VPS53: variants seen among roughly 807,000 people sequenced by gnomAD.
The protein encoded by VPS53 is vacuolar protein sorting-associated protein 53 homolog.
A neutral mutation model predicts 107.0 loss-of-function variants in VPS53; 70 were observed. That is an observed-to-expected ratio of 0.65 (90% confidence interval 0.54 to 0.80). The LOEUF (loss-of-function observed/expected upper bound fraction) is 0.80. VPS53 is among the 30% of genes least tolerant of loss of function. VPS53 has a pLI of 0.00. For missense variants in VPS53, 917 were observed against 1,049.4 expected (o/e 0.87, Z 1.74); for synonymous variants, 409 against 393.3 (o/e 1.04, Z -0.47).
rs565384056 is a variant in VPS53, at chr17:566,404, G to A, written c.1314-3659C>T. ...CGAAGGAGGTAGAATCATCTGTTTCGTGCCTGTTAACACAAGCTCCCTGAG... is the reference window on the plus strand; with the variant it reads ...CGAAGGAGGTAGAATCATCTGTTTCATGCCTGTTAACACAAGCTCCCTGAG... On this transcript the variant is annotated intron_variant, in intron 13 of 21. Transcript: ENST00000437048. Among the ~76,000 whole-genome samples the A allele has an allele frequency of 1.1e-3, 160 of 152,188 alleles. 1 individual carries two copies. Among genetic ancestry groups the A allele is most frequent in the African/African-American group, 3.5e-3 (147 of 41,508 alleles).
At chr17:540,948 A>G (rs1910588502) in intron 17 of VPS53, among the ~76,000 whole-genome samples, 1 of 152,202 alleles carries the variant, frequency 6.6e-6, no homozygotes, top group Non-Finnish European at 1.5e-5. Context: ...ACCAGAGAAC[A>G]GCGCTCCACA....
intron 12 of VPS53, among the ~76,000 whole-genome samples, chr17:587,226 C>A (rs1006927258): frequency 6.6e-6 from 1 of 152,120 alleles, no homozygotes; most frequent in Non-Finnish European, 1.5e-5. Context: ...CCACACCGAG[C>A]TAATTTTTGT....
chr17:627,382 A>G, intron 9 of VPS53, 66 bp from the exon 10 acceptor site: 1 of 1,538,656 alleles, frequency 6.5e-7, no homozygotes, highest in Non-Finnish European at 8.8e-7. Flanking sequence ...TCAAGGAAAC[A>G]AGCAAAAACA....
At chr17:594,052 C>T (rs1190661246) in intron 12 of VPS53, among the ~76,000 whole-genome samples, 6 of 152,034 alleles carry the variant, frequency 3.9e-5, no homozygotes, top group African/African-American at 1.4e-4. Flanking sequence ...AGTAAACTAT[C>T]GCAAGAACAA....
In VPS53 at chr17:524,738, G is replaced by A. The variant is rs574424822; in HGVS notation, c.2086-3000C>T. Reference sequence around the variant, plus strand: ...TTATTTGATAATCAAGTGTGGGCACGGCCATGGCACTGAAATTCACAAATG... The same window carrying A: ...TTATTTGATAATCAAGTGTGGGCACAGCCATGGCACTGAAATTCACAAATG... On this transcript the variant is annotated intron_variant, in intron 19 of 21. Coordinates refer to ENST00000437048, the MANE Select transcript of VPS53 (RefSeq NM_001128159.3). The surrounding 1 kb of genome is among the most constrained non-coding windows in gnomAD (Gnocchi z 4.5). 8.5e-5 allele frequency among the ~76,000 whole-genome samples: 13 copies of A among 152,290 alleles called. No individual in the cohort carries two copies. Among genetic ancestry groups the A allele is most frequent in the African/African-American group, 2.6e-4 (11 of 41,564 alleles).
chr17:622,385 GT>G (rs1167975520), intron 11 of VPS53, among the ~76,000 whole-genome samples: 2 of 69,936 alleles, frequency 2.9e-5, no homozygotes, highest in Admixed American at 3.1e-4. Flanking sequence ...GTTACCCGCA[GT>G]TTAAAAAAAA....
chr17:646,555 C>T (rs112295692), intron 7 of VPS53, among the ~76,000 whole-genome samples: 10 of 27,956 alleles, frequency 3.6e-4, no homozygotes, highest in East Asian at 2.6e-3. Context: ...TCTCCGTGAC[C>T]GCATGGCCAC....
At chr17:641,102 C>T (rs1041283502) in intron 7 of VPS53, among the ~76,000 whole-genome samples, 18 of 152,122 alleles carry the variant, frequency 1.2e-4, no homozygotes, top group Non-Finnish European at 2.2e-4. Context: ...GTGATCCACC[C>T]ACCTCGGCCT....
intron 4 of VPS53, among the ~76,000 whole-genome samples, chr17:662,842 GA>G (rs1971518675): frequency 5.1e-5 from 3 of 59,324 alleles, no homozygotes; most frequent in East Asian, 9.0e-4. Flanking sequence ...AGAAAGGAAG[GA>G]AGGAAGGAAG....
intron 13 of VPS53, among the ~76,000 whole-genome samples, chr17:564,752 G>A (rs1357306038): frequency 1.3e-5 from 2 of 151,864 alleles, no homozygotes; most frequent in African/African-American, 4.8e-5. Context: ...CAGGGTATGA[G>A]CAGCTCCAGA....
At chr17:692,039 T>C (rs1466477417) in intron 4 of VPS53, among the ~76,000 whole-genome samples, 1 of 152,188 alleles carries the variant, frequency 6.6e-6, no homozygotes, top group Admixed American at 6.5e-5. Context: ...TTACTCTTGT[T>C]CTGATCAAAG....
chr17:656,701 TGTGTG>T (rs938689669), intron 5 of VPS53: 27 of 9,460 alleles, frequency 2.9e-3, no homozygotes, highest in Middle Eastern at 0.045. Flanking sequence ...GACTAAGAAA[TGTGTG>T]TGTGTGTGTG....
rs2143099622 is a variant in VPS53, at chr17:628,210, C to T, written c.709G>A (p.Val237Ile). 1 of 1,613,986 alleles carries T rather than the reference C, an allele frequency of 6.2e-7. No individual in the cohort carries two copies. Among genetic ancestry groups the T allele is most frequent in the Non-Finnish European group, 8.5e-7 (1 of 1,179,988 alleles). Residue 237 changes from valine to isoleucine, a missense_variant, in exon 9 of 22, where the codon GTT (valine) becomes ATT (isoleucine). By Grantham distance (29) the Val-to-Ile change is conservative. Transcript: ENST00000437048. ...GCAACCAGACATGCATCTCGTAGAA[C>T]ATTGCTGGGTCCTCCTGGTCTCTAG... is the stretch of plus-strand genomic sequence containing the variant. ...GTKRPGGPSN[V>I]LRDACLVANI...
intron 13 of VPS53, among the ~76,000 whole-genome samples, chr17:576,548 A>G (rs1914629991): frequency 6.6e-6 from 1 of 151,042 alleles, no homozygotes; most frequent in Admixed American, 6.6e-5. Context: ...AACCTCCTCC[A>G]GCACCTAATG....
Position 537,246 on chromosome 17 carries a change from GA to G in VPS53, c.1867-71del, listed in dbSNP as rs1678716834. Reference sequence around the variant, plus strand: ...CGGTGTCGCCTGTTACTGGGGAAGGGAGGGGCTGGAGTGGAAGTCAGGTCAC... The same window carrying G: ...CGGTGTCGCCTGTTACTGGGGAAGGGGGGGCTGGAGTGGAAGTCAGGTCAC... On this transcript the variant is annotated intron_variant, in intron 17 of 21. Transcript: ENST00000437048. 7 of 1,555,226 alleles carry G rather than the reference GA, an allele frequency of 4.5e-6. No homozygotes were observed. The East Asian group carries it at 6.8e-5, about 15-fold the overall frequency.
rs1241098090 is a variant in VPS53, at chr17:601,861, G to A, written c.1152C>T (p.Pro384=). 4 of 1,599,504 alleles carry A rather than the reference G, an allele frequency of 2.5e-6. No individual in the cohort carries two copies. The highest frequency in any genetic ancestry group is 1.3e-5 in the African/African-American group (1 of 74,430). The change falls in exon 12 of 22, where the codon CCC becomes CCT. Residue 384 remains proline, a synonymous_variant. Transcript: ENST00000437048. ...CTGGTGTTGGCTCATCTTCCAGGAA[G>A]GGATTGGTAGATGGGGGTGGAGACT... ...KLESPPPSTN[P]FLEDEPTPEM... is the part of the protein sequence containing the mutation.
intron 7 of VPS53, among the ~76,000 whole-genome samples, chr17:638,334 A>C (rs1392698747): frequency 3.3e-5 from 5 of 152,152 alleles, no homozygotes; most frequent in African/African-American, 1.2e-4. Flanking sequence ...GGGTCTCCTG[A>C]ATACAGCACA....
In VPS53 at chr17:516,815, G is replaced by A. The variant is rs1186406071; in HGVS notation, c.*2313C>T. ...TGGTTCCTTGGGGATTACTGACAAT[G>A]TAACAAATCAAGACAGCAACTTCCC... On this transcript the variant is annotated 3_prime_UTR_variant, in exon 22 of 22. Coordinates refer to ENST00000437048, the MANE Select transcript of VPS53 (RefSeq NM_001128159.3). 2 of 152,238 alleles carry A rather than the reference G, an allele frequency of 1.3e-5. No homozygotes were observed. Among genetic ancestry groups the A allele is most frequent in the Non-Finnish European group, 1.5e-5 (1 of 68,060 alleles). 9.4% of individuals were successfully genotyped at this position (152,238 alleles called of 1,614,324 possible).
chr17:557,372 C>T (rs1468296491), intron 15 of VPS53, among the ~76,000 whole-genome samples: 1 of 152,142 alleles, frequency 6.6e-6, no homozygotes. Context: ...AATCCAGGAC[C>T]ATCTCATCTT....
Sources: allele counts gnomAD v4.1 joint callset (sites outside exome capture counted in the v4.1 genomes callset), GRCh38; gene constraint gnomAD v4.1.1; non-coding constraint Gnocchi (gnomAD v3.1); transcripts MANE v1.5; gene names NCBI Gene and HGNC (gene_info 2026-07-23, HGNC 2026-07-21).